The following KLHL1 variants were observed in gnomAD, a reference collection of about 807,000 sequenced individuals.
The protein encoded by KLHL1 is kelch like family member 1.
In KLHL1, 47 loss-of-function variants were observed where a neutral mutation model predicts 77.7. The ratio of observed to expected loss-of-function variants is 0.60; its 90% CI spans 0.48 to 0.77. KLHL1 has a LOEUF of 0.77. Ranked by LOEUF, KLHL1 falls within the 30% of genes least tolerant of loss-of-function variation. The probability of loss-of-function intolerance (pLI) is 0.00; values close to 1 mark genes in which losing one functional copy is unlikely to be tolerated. For synonymous variants in KLHL1, 360 were observed against 325.2 expected, an observed-to-expected ratio of 1.11 and a Z score of -1.15; for missense variants, 925 against 910.8, an observed-to-expected ratio of 1.02 and a Z score of -0.20.
intron 1 of KLHL1, among the ~76,000 whole-genome samples, chr13:70,092,104 C>A (rs928753240): frequency 3.3e-5 from 5 of 152,248 alleles, no homozygotes; most frequent in Admixed American, 3.3e-4. Flanking sequence ...GAAGTAGTTT[C>A]CACCAGATGA....
chr13:69,868,952 G>C (rs1386135260), intron 5 of KLHL1, among the ~76,000 whole-genome samples: 2 of 152,076 alleles, frequency 1.3e-5, no homozygotes, highest in Admixed American at 6.6e-5. Context: ...AGGGTACACA[G>C]TTCAGTATGG....
chr13:69,995,143 T>C (rs1390193151), intron 1 of KLHL1, among the ~76,000 whole-genome samples: 1 of 152,140 alleles, frequency 6.6e-6, no homozygotes, highest in African/African-American at 2.4e-5. Context: ...TTGGTTTCTT[T>C]TGACAACAAC....
At chr13:69,943,175 T>G (rs1883416397) in intron 3 of KLHL1, among the ~76,000 whole-genome samples, 1 of 152,052 alleles carries the variant, frequency 6.6e-6, no homozygotes, top group African/African-American at 2.4e-5. Context: ...GATGTCAGTG[T>G]GTCCCATTTT....
chr13:70,060,710 G>T (rs1436827446), intron 1 of KLHL1, among the ~76,000 whole-genome samples: 2 of 152,156 alleles, frequency 1.3e-5, no homozygotes, highest in Non-Finnish European at 2.9e-5. Context: ...GCTGGGCATG[G>T]TGGTATGCGC....
At position 69,837,656 on chromosome 13, in the gene KLHL1, ATG is replaced by A. The variant is rs1555272487; in HGVS notation, c.1414+1318_1414+1319del. Among the ~76,000 whole-genome samples the A allele has an allele frequency of 7.7e-4, 105 of 137,118 alleles. 4 individuals carry two copies. The highest frequency in any genetic ancestry group is 1.6e-3 in the African/African-American group (54 of 34,714). The allele number at this position is 137,118 out of a possible 152,430, so 90.0% of individuals were successfully genotyped here. A position where few individuals can be genotyped will look rare whatever the true frequency, so the allele number is the denominator to read the frequency against. The stretch of plus-strand genomic sequence containing the variant: ...TATATATATATATGTGTATATATAT[ATG>A]TGTGTGTGTGTGTATATATATATAT... On this transcript the variant is annotated intron_variant, in intron 6 of 10. Transcript: ENST00000377844.
intron 4 of KLHL1, among the ~76,000 whole-genome samples, chr13:69,939,228 T>G (rs953527777): frequency 6.7e-6 from 1 of 150,136 alleles, no homozygotes; most frequent in Non-Finnish European, 1.5e-5. Context: ...GAATTAATAT[T>G]TTTAAAATCC....
intron 1 of KLHL1, among the ~76,000 whole-genome samples, chr13:69,981,881 G>A (rs184193297): frequency 1.3e-5 from 2 of 151,728 alleles, no homozygotes; most frequent in African/African-American, 4.8e-5. Flanking sequence ...AATTATGATA[G>A]ATAAACCACA....
At chr13:69,817,337 T>C (rs1878161222) in intron 6 of KLHL1, among the ~76,000 whole-genome samples, 1 of 152,236 alleles carries the variant, frequency 6.6e-6, no homozygotes, top group South Asian at 2.1e-4. Context: ...TAAAATGTCT[T>C]TGCAGACATG....
chr13:69,831,916 C>A (rs1477711485), intron 6 of KLHL1, among the ~76,000 whole-genome samples: 1 of 149,720 alleles, frequency 6.7e-6, no homozygotes. Flanking sequence ...TGATTAAAAC[C>A]CTCAGCAAAA....
At chr13:70,048,107 G>GA (rs1886545676) in intron 1 of KLHL1, among the ~76,000 whole-genome samples, 1 of 152,068 alleles carries the variant, frequency 6.6e-6, no homozygotes, top group Non-Finnish European at 1.5e-5. Context: ...CTGTCTGAAG[G>GA]AAAATCTTAA....
At chr13:70,045,679 C>T (rs1479744342) in intron 1 of KLHL1, among the ~76,000 whole-genome samples, 2 of 152,054 alleles carry the variant, frequency 1.3e-5, no homozygotes, top group East Asian at 1.9e-4. Flanking sequence ...TTCTTATAAA[C>T]ACATATGGAG....
At chr13:70,045,134 G>A (rs555663718) in intron 1 of KLHL1, among the ~76,000 whole-genome samples, 40 of 152,104 alleles carry the variant, frequency 2.6e-4, no homozygotes, top group East Asian at 1.2e-3. Context: ...AAGGAATGTC[G>A]CCTTGACTTA....
chr13:69,797,493 T>C (rs1441233328), intron 6 of KLHL1, among the ~76,000 whole-genome samples: 1 of 152,140 alleles, frequency 6.6e-6, no homozygotes, highest in East Asian at 1.9e-4. Context: ...TTTGCTATGC[T>C]TTTTAAACCA....
intron 1 of KLHL1, among the ~76,000 whole-genome samples, chr13:70,054,638 A>C (rs1886701299): frequency 6.6e-6 from 1 of 152,138 alleles, no homozygotes; most frequent in South Asian, 2.1e-4. Context: ...TAAAATAGCT[A>C]TTTTGATAAA....
At chr13:69,886,118 A>G (rs1238525503) in intron 4 of KLHL1, among the ~76,000 whole-genome samples, 1 of 152,146 alleles carries the variant, frequency 6.6e-6, no homozygotes, top group Non-Finnish European at 1.5e-5. Flanking sequence ...TCTTATATGT[A>G]TGATATTATC....
intron 5 of KLHL1, among the ~76,000 whole-genome samples, chr13:69,875,784 T>G (rs1406421346): frequency 6.6e-6 from 1 of 152,148 alleles, no homozygotes; most frequent in Non-Finnish European, 1.5e-5. Context: ...AAGCATTATT[T>G]ATTGTCTATG....
intron 1 of KLHL1, among the ~76,000 whole-genome samples, chr13:70,004,598 T>C (rs755904681): frequency 1.1e-4 from 17 of 151,990 alleles, no homozygotes; most frequent in Non-Finnish European, 1.6e-4. Context: ...ATATTATCAG[T>C]ATATTCCTGC....
chr13:70,064,032 A>C (rs1227123935), intron 1 of KLHL1, among the ~76,000 whole-genome samples: 10 of 152,116 alleles, frequency 6.6e-5, no homozygotes, highest in African/African-American at 2.4e-4. Context: ...GTTATAGAAA[A>C]TACTTATTAT....
rs752549777 is a variant in KLHL1, at chr13:70,107,384, C to A, written c.316G>T (p.Gly106Trp). The change falls in exon 1 of 11, where the codon GGG (glycine) becomes TGG (tryptophan). Residue 106 changes from glycine to tryptophan, a missense_variant. Physicochemically the swap from Gly to Trp is radical, Grantham distance 184. Transcript: ENST00000377844. The part of the protein sequence containing the change: ...LLPVATRLQQ[G>W]APGQGTQQPA... The stretch of plus-strand genomic sequence containing the variant: ...TGCTGAGTGCCCTGCCCAGGAGCCC[C>A]TTGCTGCAGCCTCGTGGCAACTGGA... 62 of 1,613,952 alleles carry A rather than the reference C, an allele frequency of 3.8e-5. No individual in the cohort carries two copies. The highest frequency in any genetic ancestry group is 2.0e-4 in the Admixed American group (12 of 60,000).
Sources: allele counts gnomAD v4.1 joint callset (sites outside exome capture counted in the v4.1 genomes callset), GRCh38; gene constraint gnomAD v4.1.1; transcripts MANE v1.5; gene names NCBI Gene and HGNC (gene_info 2026-07-23, HGNC 2026-07-21).